Variants in KCNH1 observed in about 807,000 individuals in gnomAD.
KCNH1 encodes potassium voltage-gated channel subfamily H member 1, also known as voltage-gated delayed rectifier potassium channel KCNH1.
Under a neutral mutation model 69.2 loss-of-function variants are expected in KCNH1, and 27 were observed. The observed-to-expected ratio is 0.39, with a 90% CI of 0.29 to 0.54. The LOEUF is 0.54. Among genes scored for constraint, KCNH1 ranks in the 20% least tolerant of loss-of-function variants. The pLI is 0.68. For missense variants in KCNH1, 798 were observed against 1,261.6 expected (o/e 0.63, Z 5.57); for synonymous variants, 456 against 487.7 (o/e 0.93, Z 0.86).
chr1:210,955,077 T>G (rs974620181), intron 6 of KCNH1, among the ~76,000 whole-genome samples: 1 of 152,238 alleles, frequency 6.6e-6, no homozygotes, highest in Non-Finnish European at 1.5e-5. Context: ...TTAATTTTTG[T>G]ATAAGGTGTA....
intron 6 of KCNH1, among the ~76,000 whole-genome samples, chr1:210,924,796 C>T (rs1390791711): frequency 1.3e-5 from 2 of 152,094 alleles, no homozygotes; most frequent in Non-Finnish European, 2.9e-5. Flanking sequence ...TGAGAACCAG[C>T]CTGTCAGGCA....
chr1:210,856,042 C>T (rs1044859279), intron 7 of KCNH1, among the ~76,000 whole-genome samples: 2 of 152,166 alleles, frequency 1.3e-5, no homozygotes, highest in Non-Finnish European at 2.9e-5. Flanking sequence ...TTGTCTCTAT[C>T]ACCAAGATGC....
intron 3 of KCNH1, among the ~76,000 whole-genome samples, chr1:211,092,520 T>A (rs542494029): frequency 6.6e-6 from 1 of 152,356 alleles, no homozygotes; most frequent in East Asian, 1.9e-4. Flanking sequence ...CCAGTTTCTA[T>A]GTGTTCTGCA....
At chr1:210,717,359 G>A (rs569840347) in intron 10 of KCNH1, among the ~76,000 whole-genome samples, 21 of 152,308 alleles carry the variant, frequency 1.4e-4, no homozygotes, top group Middle Eastern at 3.4e-3. Flanking sequence ...ACTTTAGTCC[G>A]CAGACTGCAC....
At chr1:211,002,725 G>A (rs549899923) in intron 6 of KCNH1, among the ~76,000 whole-genome samples, 1 of 152,210 alleles carries the variant, frequency 6.6e-6, no homozygotes, top group Non-Finnish European at 1.5e-5. Context: ...AAACTGAAGA[G>A]TATCAGGAAA....
chr1:210,926,925 C>G (rs993456097), intron 6 of KCNH1, among the ~76,000 whole-genome samples: 1 of 152,132 alleles, frequency 6.6e-6, no homozygotes, highest in Non-Finnish European at 1.5e-5. Flanking sequence ...GCAAAATGCA[C>G]TGGAAAGTCT....
intron 10 of KCNH1, among the ~76,000 whole-genome samples, chr1:210,727,733 A>G (rs1168617082): frequency 6.6e-6 from 1 of 152,234 alleles, no homozygotes; most frequent in Non-Finnish European, 1.5e-5. Context: ...ATCCAGTTTC[A>G]GCTAACATGC....
At chr1:211,054,652 T>C (rs1690269823) in intron 5 of KCNH1, among the ~76,000 whole-genome samples, 1 of 152,164 alleles carries the variant, frequency 6.6e-6, no homozygotes, top group South Asian at 2.1e-4. Context: ...AGAGTTAAAA[T>C]ACTCTAAATA....
At chr1:210,972,491 T>C (rs957227469) in intron 6 of KCNH1, among the ~76,000 whole-genome samples, 6 of 152,248 alleles carry the variant, frequency 3.9e-5, no homozygotes, top group African/African-American at 1.2e-4. Flanking sequence ...AGCTTACTTA[T>C]ACATTGGGAA....
intron 3 of KCNH1, among the ~76,000 whole-genome samples, chr1:211,093,272 A>G (rs1162145223): frequency 6.6e-6 from 1 of 152,110 alleles, no homozygotes; most frequent in Non-Finnish European, 1.5e-5. Flanking sequence ...CCACAGTTCA[A>G]ACTTATCACG....
In KCNH1 at chr1:210,972,584, G is replaced by T. The variant is rs932089177; in HGVS notation, c.1032+46199C>A. 2.0e-5 allele frequency among the ~76,000 whole-genome samples: 3 copies of T among 152,246 alleles called. No homozygotes were observed. In the East Asian group the frequency reaches 5.8e-4, roughly 29 times the overall value. ...TCGTTTTCTGATGAAGACAATCATT[G>T]TAAAAGGCAGTAAAATGATAGATTT... On this transcript the variant is annotated intron_variant, in intron 6 of 10. Transcript: ENST00000271751.
chr1:210,890,894 G>A (rs1009420445), intron 7 of KCNH1, among the ~76,000 whole-genome samples: 1 of 152,174 alleles, frequency 6.6e-6, no homozygotes, highest in Non-Finnish European at 1.5e-5. Flanking sequence ...GGAAACAACA[G>A]GTGCTGGAGA....
At chr1:210,785,560 T>C (rs989074715) in intron 9 of KCNH1, among the ~76,000 whole-genome samples, 3 of 152,276 alleles carry the variant, frequency 2.0e-5, no homozygotes, top group African/African-American at 4.8e-5. Flanking sequence ...AATTTTTGTA[T>C]ATTTAGTAGA....
intron 7 of KCNH1, among the ~76,000 whole-genome samples, chr1:210,834,806 G>A (rs1240614548): frequency 3.3e-5 from 5 of 152,076 alleles, no homozygotes; most frequent in Non-Finnish European, 7.4e-5. Context: ...TAGCATGGGA[G>A]GACACAGAAA....
At chr1:210,792,018 A>ACT in intron 9 of KCNH1, among the ~76,000 whole-genome samples, 1 of 152,194 alleles carries the variant, frequency 6.6e-6, no homozygotes, top group African/African-American at 2.4e-5. Flanking sequence ...AGTAAGATCC[A>ACT]TGCCATGGGA....
chr1:210,908,564 T>C (rs1446558900), intron 7 of KCNH1, among the ~76,000 whole-genome samples: 1 of 152,180 alleles, frequency 6.6e-6, no homozygotes, highest in Non-Finnish European at 1.5e-5. Flanking sequence ...ACTTTGTGTT[T>C]TCACTGCAGG....
chr1:210,804,960 C>T (rs760247294), intron 7 of KCNH1, among the ~76,000 whole-genome samples: 1 of 152,126 alleles, frequency 6.6e-6, no homozygotes, highest in African/African-American at 2.4e-5. Context: ...GAAGAAGGAC[C>T]ATTATGTTAT....
At chr1:210,858,970 C>A in intron 7 of KCNH1, 1 of 480,750 alleles carries the variant, frequency 2.1e-6, no homozygotes, top group Non-Finnish European at 3.7e-6. Flanking sequence ...ATCCCCCCCA[C>A]CCCCAAAATC....
intron 7 of KCNH1, among the ~76,000 whole-genome samples, chr1:210,870,582 A>T (rs2102494148): frequency 6.6e-6 from 1 of 152,286 alleles, no homozygotes; most frequent in Non-Finnish European, 1.5e-5. Context: ...GCTTTTCATT[A>T]ATGTTCTTAT....
Sources: gnomAD v4.1 joint callset for allele counts (sites outside exome capture counted in the v4.1 genomes callset) on GRCh38, gnomAD v4.1.1 for gene constraint, MANE v1.5 for transcripts, NCBI Gene and HGNC (gene_info 2026-07-23, HGNC 2026-07-21) for gene names.